SPAG16: variants seen among roughly 807,000 people sequenced by gnomAD.
SPAG16 encodes sperm-associated antigen 16 protein.
Under a neutral mutation model 80.4 loss-of-function variants are expected in SPAG16, and 86 were observed. The ratio of observed to expected loss-of-function variants is 1.07; its 90% CI spans 0.90 to 1.28. The LOEUF is 1.28. Ranked by LOEUF, SPAG16 falls within the 50% of genes most tolerant of loss-of-function variation. The probability of loss-of-function intolerance (pLI) is 0.00; values close to 1 mark genes in which losing one functional copy is unlikely to be tolerated. For missense variants in SPAG16, 870 were observed against 765.3 expected, an observed-to-expected ratio of 1.14 and a Z score of -1.61; for synonymous variants, 294 against 265.9, an observed-to-expected ratio of 1.11 and a Z score of -1.03.
intron 10 of SPAG16, among the ~76,000 whole-genome samples, chr2:213,644,187 A>G (rs1407622942): frequency 6.6e-6 from 1 of 151,712 alleles, no homozygotes; most frequent in African/African-American, 2.4e-5. Flanking sequence ...TTTGTGCTCA[A>G]TTCTTTTTAA....
intron 13 of SPAG16, among the ~76,000 whole-genome samples, chr2:214,047,333 A>C (rs2049383191): frequency 6.6e-6 from 1 of 152,310 alleles, no homozygotes; most frequent in African/African-American, 2.4e-5. Flanking sequence ...TGATACTGGC[A>C]TAAAAGCAGG....
rs181216133 is a variant in SPAG16 at position 214,025,740 on chromosome 2, T to C, written c.1527+11663T>C. The stretch of plus-strand genomic sequence containing the variant: ...ATTGGATAACCATTGATGCACCATA[T>C]AATCATGGTGACTTTTTTTCAACCA... On this transcript the variant is annotated intron_variant, in intron 13 of 15. Transcript: ENST00000331683. Among the ~76,000 whole-genome samples the C allele has an allele frequency of 3.3e-5, 5 of 151,682 alleles. 1 individual carries two copies. In the East Asian group the frequency reaches 9.7e-4, roughly 29 times the overall value.
At chr2:214,387,137 C>G (rs1321638273) in intron 15 of SPAG16, among the ~76,000 whole-genome samples, 1 of 152,162 alleles carries the variant, frequency 6.6e-6, no homozygotes, top group Non-Finnish European at 1.5e-5. Flanking sequence ...CAAAGGTCAT[C>G]TCCTCTGTGA....
intron 10 of SPAG16, among the ~76,000 whole-genome samples, chr2:213,586,245 G>C (rs1039334839): frequency 1.3e-4 from 20 of 152,022 alleles, no homozygotes; most frequent in Admixed American, 3.3e-4. Flanking sequence ...CCATAAACTG[G>C]GTAGCTTATA....
chr2:214,278,318 C>T (rs927689488), intron 15 of SPAG16, among the ~76,000 whole-genome samples: 5 of 152,154 alleles, frequency 3.3e-5, no homozygotes, highest in African/African-American at 4.8e-5. Flanking sequence ...CTTCCTGGGC[C>T]GCACCCACTG....
intron 10 of SPAG16, among the ~76,000 whole-genome samples, chr2:213,809,499 C>T (rs1374961417): frequency 6.6e-6 from 1 of 152,082 alleles, no homozygotes; most frequent in Non-Finnish European, 1.5e-5. Context: ...GTACTACATC[C>T]AATACTAGAG....
chr2:214,197,624 T>G (rs2057880652), intron 15 of SPAG16, among the ~76,000 whole-genome samples: 1 of 152,038 alleles, frequency 6.6e-6, no homozygotes, highest in South Asian at 2.1e-4. Flanking sequence ...ATTGGCATTA[T>G]TAATAAAACT....
chr2:214,278,915 T>C (rs1241260822), intron 15 of SPAG16, among the ~76,000 whole-genome samples: 1 of 152,200 alleles, frequency 6.6e-6, no homozygotes, highest in Non-Finnish European at 1.5e-5. Context: ...TTACAGACAT[T>C]ACCGCAAGCA....
chr2:214,387,619 T>G (rs1475966709), intron 15 of SPAG16, among the ~76,000 whole-genome samples: 1 of 152,110 alleles, frequency 6.6e-6, no homozygotes, highest in African/African-American at 2.4e-5. Flanking sequence ...CACCAGAGAC[T>G]GGGTAATTTA....
intron 12 of SPAG16, among the ~76,000 whole-genome samples, chr2:213,983,166 A>T (rs1432998204): frequency 6.6e-6 from 1 of 151,964 alleles, no homozygotes; most frequent in African/African-American, 2.4e-5. Flanking sequence ...TATGATTTGT[A>T]AAAAAGAACT....
chr2:213,630,463 G>A (rs2062109721), intron 10 of SPAG16, among the ~76,000 whole-genome samples: 1 of 151,886 alleles, frequency 6.6e-6, no homozygotes, highest in Admixed American at 6.6e-5. Flanking sequence ...ATTATATCAT[G>A]TCTATAATAA....
At chr2:213,745,564 A>T (rs1375682382) in intron 10 of SPAG16, among the ~76,000 whole-genome samples, 1 of 152,140 alleles carries the variant, frequency 6.6e-6, no homozygotes, top group Admixed American at 6.5e-5. Context: ...TACTTATTAA[A>T]TATCATGATT....
Position 213,555,511 on chromosome 2 carries a change from C to T in SPAG16, c.1070+65421C>T, listed in dbSNP as rs112460510. 7.8e-3 allele frequency among the ~76,000 whole-genome samples: 1,186 copies of T among 152,302 alleles called. 6 individuals carry two copies. The highest frequency in any genetic ancestry group is 0.012 in the Non-Finnish European group (808 of 68,020). ...CATGATTGAAAGTTTCCTGAAACTT[C>T]CTCAGCTATGAAGAACTGTGAGTCA... On this transcript the variant is annotated intron_variant, in intron 10 of 15. Transcript: ENST00000331683.
chr2:214,224,792 A>G (rs1437702119), intron 15 of SPAG16, among the ~76,000 whole-genome samples: 2 of 152,212 alleles, frequency 1.3e-5, no homozygotes, highest in African/African-American at 2.4e-5. Context: ...TGAAACACCA[A>G]TATAAGTGAG....
intron 15 of SPAG16, among the ~76,000 whole-genome samples, chr2:214,312,142 G>A (rs574311008): frequency 2.6e-5 from 4 of 152,188 alleles, no homozygotes; most frequent in Non-Finnish European, 4.4e-5. Flanking sequence ...TGATGAAAAT[G>A]ATCGTGTTTA....
chr2:214,111,848 G>C (rs1318528736), intron 14 of SPAG16, among the ~76,000 whole-genome samples: 1 of 152,128 alleles, frequency 6.6e-6, no homozygotes, highest in Non-Finnish European at 1.5e-5. Context: ...CATATCCCTT[G>C]TGAGTTGGAT....
Position 213,317,020 on chromosome 2 carries a change from C to T in SPAG16, c.399-199C>T, listed in dbSNP as rs960748373. On this transcript the variant is annotated intron_variant, in intron 4 of 15. Transcript: ENST00000331683. The stretch of plus-strand genomic sequence containing the variant: ...AGATGTTCAGTTATTATATTTTATA[C>T]ACCATGATGGTATTGGTACCTAGAA... Among the ~76,000 whole-genome samples the T allele has an allele frequency of 3.9e-5, 6 of 152,148 alleles. No individual in the cohort carries two copies. In the South Asian group the frequency reaches 8.3e-4, roughly 21 times the overall value.
intron 10 of SPAG16, among the ~76,000 whole-genome samples, chr2:213,794,515 C>G (rs1003382409): frequency 6.6e-6 from 1 of 151,906 alleles, no homozygotes; most frequent in Non-Finnish European, 1.5e-5. Flanking sequence ...TTTCCTTTCC[C>G]TTATGTTGAT....
intron 15 of SPAG16, among the ~76,000 whole-genome samples, chr2:214,236,169 A>G (rs183592557): frequency 2.6e-5 from 4 of 152,352 alleles, no homozygotes; most frequent in Non-Finnish European, 1.5e-5. Flanking sequence ...ACTCAGATCA[A>G]TTAGTACTTG....
Sources: gnomAD v4.1 joint callset for allele counts (sites outside exome capture counted in the v4.1 genomes callset) on GRCh38, gnomAD v4.1.1 for gene constraint, MANE v1.5 for transcripts, NCBI Gene and HGNC (gene_info 2026-07-23, HGNC 2026-07-21) for gene names.